The following C6 variants were observed in gnomAD, a reference collection of about 807,000 sequenced individuals.
The protein encoded by C6 is complement C6.
In C6, 101 loss-of-function variants were observed where a neutral mutation model predicts 112.9. The observed-to-expected ratio is 0.89, with a 90% CI of 0.76 to 1.06. The LOEUF is 1.06. Ranked by LOEUF, C6 falls within the 50% of genes least tolerant of loss-of-function variation. The probability of loss-of-function intolerance (pLI) is 0.00; values close to 1 mark genes in which losing one functional copy is unlikely to be tolerated. For synonymous variants in C6, 431 were observed against 384.1 expected, an observed-to-expected ratio of 1.12 and a Z score of -1.43; for missense variants, 1,202 against 1,104.6, an observed-to-expected ratio of 1.09 and a Z score of -1.25.
chr5:41,177,092 A>G (rs893810826), intron 7 of C6, among the ~76,000 whole-genome samples: 1 of 152,232 alleles, frequency 6.6e-6, no homozygotes, highest in Non-Finnish European at 1.5e-5. Context: ...AATTGTGTGC[A>G]TTTTGAACTG....
intron 5 of C6, 43 bp from the exon 6 acceptor site, chr5:41,186,251 A>C: frequency 1.2e-6 from 2 of 1,606,148 alleles, no homozygotes; most frequent in Admixed American, 1.7e-5. Flanking sequence ...GATGTAGAAC[A>C]ATCTTTAAAA....
chr5:41,207,131 T>G (rs997015622), intron 1 of C6, among the ~76,000 whole-genome samples: 2 of 152,128 alleles, frequency 1.3e-5, no homozygotes, highest in Non-Finnish European at 2.9e-5. Context: ...AAACTAAGCT[T>G]CATAAGTGAA....
chr5:41,210,682 A>C (rs1226068507), intron 1 of C6, among the ~76,000 whole-genome samples: 1 of 152,208 alleles, frequency 6.6e-6, no homozygotes, highest in Non-Finnish European at 1.5e-5. Flanking sequence ...TCAAAACCAC[A>C]GTGAGATACC....
In C6 at chr5:41,161,792, T is replaced by C. The variant is rs764044682; in HGVS notation, c.1359A>G (p.Ala453=). The C allele has an allele frequency of 1.9e-6, 3 of 1,613,678 alleles. No individual in the cohort carries two copies. Among genetic ancestry groups the C allele is most frequent in the Non-Finnish European group, 2.5e-6 (3 of 1,179,690 alleles). ...LIRGGRSEYG[A]ALAWEKGSSG... is the part of the protein sequence containing the mutation. ...AGCTCCCTTTCTCCCATGCCAAAGCTGCTCCATATTCACTCCTTCCACCTC... is the reference window on the plus strand; with the variant it reads ...AGCTCCCTTTCTCCCATGCCAAAGCCGCTCCATATTCACTCCTTCCACCTC... Residue 453 remains alanine, a synonymous_variant, in exon 10 of 18, where the codon GCA becomes GCG. Transcript: ENST00000337836.
Position 41,174,258 on chromosome 5 carries a change from G to T in C6, c.1169-1911C>A, listed in dbSNP as rs575836813. 1.1e-3 allele frequency among the ~76,000 whole-genome samples: 170 copies of T among 152,232 alleles called. 1 individual carries two copies. In the South Asian group the frequency reaches 0.019, roughly 17 times the overall value. ...CCTGCAGTATGTCCAGCTTTTTGCT[G>T]CTGGACCTCTATCTGTATGAACTAA... On this transcript the variant is annotated intron_variant, in intron 8 of 17. Coordinates refer to ENST00000337836, the MANE Select transcript of C6 (RefSeq NM_000065.5).
chr5:41,155,735 A>G (rs1394540804), intron 13 of C6, among the ~76,000 whole-genome samples: 1 of 152,034 alleles, frequency 6.6e-6, no homozygotes. Flanking sequence ...TCTCAAAACA[A>G]AAACCAAAAA....
intron 1 of C6, chr5:41,261,150 T>A: frequency 1.0e-6 from 1 of 976,398 alleles, no homozygotes; most frequent in South Asian, 4.7e-5. Context: ...CTCATATGCA[T>A]GCCCACCAAT....
At position 41,190,908 on chromosome 5, in the gene C6, T is replaced by C. The variant is rs1382031623; in HGVS notation, c.588-4700A>G. Among the ~76,000 whole-genome samples the C allele has an allele frequency of 4.6e-5, 7 of 152,262 alleles. No individual in the cohort carries two copies. In the East Asian group the frequency reaches 1.4e-3, roughly 29 times the overall value. ...GGCACCTTTGTCAAAAATCAGTTGGTTGTAAATACATGGTTTTATTTCTGG... is the reference window on the plus strand; with the variant it reads ...GGCACCTTTGTCAAAAATCAGTTGGCTGTAAATACATGGTTTTATTTCTGG... On this transcript the variant is annotated intron_variant, in intron 5 of 17. Coordinates refer to ENST00000337836, the MANE Select transcript of C6 (RefSeq NM_000065.5).
rs182687354 is a variant in C6, at chr5:41,229,108, C to A, written c.-20-25858G>T. ...CCAGCTTGGGCGACAGAGCACGACT[C>A]CATCAAAAAGAAAAAGAAAATCAAC... On this transcript the variant is annotated intron_variant, in intron 1 of 17. Transcript: ENST00000263413. 6.4e-4 allele frequency among the ~76,000 whole-genome samples: 98 copies of A among 152,128 alleles called. 1 individual carries two copies. The highest frequency in any genetic ancestry group is 6.3e-3 in the Admixed American group (97 of 15,276).
At chr5:41,191,488 T>C (rs1020328622) in intron 5 of C6, among the ~76,000 whole-genome samples, 1 of 152,236 alleles carries the variant, frequency 6.6e-6, no homozygotes, top group Non-Finnish European at 1.5e-5. Flanking sequence ...CTTGAATTTG[T>C]AGATTGCTTC....
In C6 at chr5:41,148,851, T is replaced by C. The variant is rs77850265; in HGVS notation, c.2623+390A>G. On this transcript the variant is annotated intron_variant, in intron 17 of 17. Coordinates refer to ENST00000337836, the MANE Select transcript of C6 (RefSeq NM_000065.5). Reference sequence around the variant, plus strand: ...GCTTTGGCAATGCAAAATCCAGTCCTACCTGGACAGCACTATTGGCCTCAG... The same window carrying C: ...GCTTTGGCAATGCAAAATCCAGTCCCACCTGGACAGCACTATTGGCCTCAG... Among the ~76,000 whole-genome samples, 939 of 152,286 alleles carry C rather than the reference T, an allele frequency of 6.2e-3. 7 individuals carry two copies. Among genetic ancestry groups the C allele is most frequent in the African/African-American group, 0.022 (899 of 41,570 alleles).
chr5:41,143,388 A>C (rs1745527433), intron 17 of C6, among the ~76,000 whole-genome samples: 1 of 152,160 alleles, frequency 6.6e-6, no homozygotes, highest in Non-Finnish European at 1.5e-5. Context: ...CACTGCCTAC[A>C]TTCAATCAGG....
intron 1 of C6, among the ~76,000 whole-genome samples, chr5:41,209,209 T>C (rs1160682950): frequency 6.6e-6 from 1 of 152,176 alleles, no homozygotes; most frequent in Non-Finnish European, 1.5e-5. Flanking sequence ...TAGGTATTGA[T>C]GGGATGTATC....
intron 9 of C6, among the ~76,000 whole-genome samples, chr5:41,162,499 C>T (rs1281219319): frequency 1.3e-5 from 2 of 152,188 alleles, no homozygotes; most frequent in Non-Finnish European, 2.9e-5. Flanking sequence ...GACACAATGA[C>T]ATTTACTGTT....
At chr5:41,253,030 G>A (rs1164796915) in intron 1 of C6, among the ~76,000 whole-genome samples, 1 of 152,180 alleles carries the variant, frequency 6.6e-6, no homozygotes, top group Non-Finnish European at 1.5e-5. Context: ...TCATATTTGA[G>A]TCATATTTGG....
At chr5:41,168,861 T>A (rs573090231) in intron 9 of C6, among the ~76,000 whole-genome samples, 1 of 152,310 alleles carries the variant, frequency 6.6e-6, no homozygotes, top group African/African-American at 2.4e-5. Flanking sequence ...TTTAATCTTC[T>A]CAAGTAGTAG....
At chr5:41,167,379 A>G (rs989657269) in intron 9 of C6, among the ~76,000 whole-genome samples, 36 of 152,188 alleles carry the variant, frequency 2.4e-4, no homozygotes, top group Non-Finnish European at 4.6e-4. Flanking sequence ...TAAAAAATGT[A>G]TACAACAGCC....
At chr5:41,221,885 G>T (rs1046652322) in intron 1 of C6, among the ~76,000 whole-genome samples, 2 of 151,930 alleles carry the variant, frequency 1.3e-5, no homozygotes, top group Non-Finnish European at 2.9e-5. Context: ...AAGTTCACTG[G>T]CCAGCGTGGT....
At chr5:41,177,489 A>G (rs1010238700) in intron 7 of C6, among the ~76,000 whole-genome samples, 1 of 152,150 alleles carries the variant, frequency 6.6e-6, no homozygotes, top group East Asian at 1.9e-4. Context: ...GTATTTATGT[A>G]CATTGTTTTA....
Sources: gnomAD v4.1 joint callset for allele counts (sites outside exome capture counted in the v4.1 genomes callset) on GRCh38, gnomAD v4.1.1 for gene constraint, MANE v1.5 for transcripts, NCBI Gene and HGNC (gene_info 2026-07-23, HGNC 2026-07-21) for gene names.